Variants in MKLN1 observed in about 807,000 individuals in gnomAD.
MKLN1 encodes the protein muskelin 1.
In MKLN1, 18 loss-of-function variants were observed where a neutral mutation model predicts 99.0. That is an observed-to-expected ratio of 0.18 (90% CI 0.13 to 0.27). The LOEUF is 0.27. MKLN1 is among the 10% of genes least tolerant of loss of function. The probability of loss-of-function intolerance (pLI) is 1.00; values close to 1 mark genes in which losing one functional copy is unlikely to be tolerated. For missense variants in MKLN1, 621 were observed against 875.9 expected (o/e 0.71, Z 3.67); for synonymous variants, 288 against 293.2 (o/e 0.98, Z 0.18).
At chr7:131,447,952 CGTGAG>C (rs974270426) in intron 12 of MKLN1, among the ~76,000 whole-genome samples, 1 of 152,148 alleles carries the variant, frequency 6.6e-6, no homozygotes, top group African/African-American at 2.4e-5. Context: ...GTGGCGGCCA[CGTGAG>C]GTGGCTTACA....
chr7:131,118,778 A>C (rs1351981591), intron 1 of MKLN1, among the ~76,000 whole-genome samples: 4 of 152,174 alleles, frequency 2.6e-5, no homozygotes, highest in Non-Finnish European at 5.9e-5. Context: ...ACACACTTTT[A>C]AACAAGCACA....
At chr7:131,247,782 G>A (rs4728213) in intron 3 of MKLN1, among the ~76,000 whole-genome samples, 87,831 of 152,034 alleles carry the variant, frequency 0.58, 26,067 homozygotes, top group East Asian at 0.91. Context: ...ATTTGAACTG[G>A]CAGGGTTTTG....
intron 2 of MKLN1, among the ~76,000 whole-genome samples, chr7:131,179,188 G>A (rs2116354074): frequency 6.6e-6 from 1 of 152,246 alleles, no homozygotes; most frequent in South Asian, 2.1e-4. Flanking sequence ...AAGGTCATGG[G>A]CACCATGTAA....
chr7:131,447,946 C>T (rs549249136), intron 12 of MKLN1, among the ~76,000 whole-genome samples: 9 of 152,186 alleles, frequency 5.9e-5, no homozygotes, highest in Middle Eastern at 3.4e-3. Flanking sequence ...AAAAAAGTGG[C>T]GGCCACGTGA....
chr7:131,351,120 C>T (rs1298447087), intron 1 of MKLN1, among the ~76,000 whole-genome samples: 1 of 151,958 alleles, frequency 6.6e-6, no homozygotes, highest in East Asian at 1.9e-4. Flanking sequence ...TGGTGGTGTG[C>T]ACCTGTAGTC....
At chr7:131,411,200 T>G (rs1794862871) in intron 6 of MKLN1, 106 bp from the exon 7 acceptor site, 1 of 610,462 alleles carries the variant, frequency 1.6e-6, no homozygotes, top group African/African-American at 1.9e-5. Context: ...ATTAGTGACA[T>G]ATTAGTAATT....
At chr7:131,456,167 G>A (rs981569625) in intron 12 of MKLN1, among the ~76,000 whole-genome samples, 2 of 151,926 alleles carry the variant, frequency 1.3e-5, no homozygotes, top group Non-Finnish European at 2.9e-5. Context: ...AATGAAAGCT[G>A]CTTTCTTGGT....
intron 1 of MKLN1, among the ~76,000 whole-genome samples, chr7:131,356,458 G>C (rs2116784267): frequency 6.6e-6 from 1 of 152,192 alleles, no homozygotes; most frequent in Non-Finnish European, 1.5e-5. Context: ...AAGAGTCCAA[G>C]ACCCCAAATC....
chr7:131,244,314 C>A lies in MKLN1; in HGVS notation c.-179+41340C>A, dbSNP rs145373792. Among the ~76,000 whole-genome samples, 689 of 152,222 alleles carry A rather than the reference C, an allele frequency of 4.5e-3. 6 individuals carry two copies. Among genetic ancestry groups the A allele is most frequent in the Non-Finnish European group, 6.2e-3 (419 of 68,010 alleles). ...TGCAATTTTCTCCCTGTTTTCATGA[C>A]CCGCTCCTCCCTCCAACGCCAGAGC... On this transcript the variant is annotated intron_variant, in intron 3 of 7. Coordinates refer to the MKLN1 transcript ENST00000416992.
intron 3 of MKLN1, among the ~76,000 whole-genome samples, chr7:131,291,886 C>G (rs1456760544): frequency 1.3e-5 from 2 of 152,056 alleles, no homozygotes; most frequent in African/African-American, 4.8e-5. Flanking sequence ...GGGAGGATAT[C>G]TTGAGACCAG....
At chr7:131,444,763 A>AGTAGT (rs1795953961) in intron 11 of MKLN1, among the ~76,000 whole-genome samples, 16 of 117,964 alleles carry the variant, frequency 1.4e-4, no homozygotes, top group South Asian at 3.0e-4. Flanking sequence ...GTAGTAGAAG[A>AGTAGT]AGTAGTAGTA....
At chr7:131,252,428 A>C (rs1797597407) in intron 3 of MKLN1, among the ~76,000 whole-genome samples, 2 of 144,888 alleles carry the variant, frequency 1.4e-5, no homozygotes, top group Non-Finnish European at 3.0e-5. Flanking sequence ...TCCTGGGTTC[A>C]TGTGATTCTT....
chr7:131,306,600 T>C lies in MKLN1; in HGVS notation c.-178-68824T>C, dbSNP rs542474975. ...CTAGAGAGCTGTGAAGCTATAAACC[T>C]GAGAAAGATTATTTAAGGTATCTAG... On this transcript the variant is annotated intron_variant, in intron 3 of 7. Transcript: ENST00000416992. Among the ~76,000 whole-genome samples, 3 of 152,286 alleles carry C rather than the reference T, an allele frequency of 2.0e-5. No individual in the cohort carries two copies. The South Asian group carries it at 6.2e-4, about 32-fold the overall frequency.
rs183522974 is a variant in MKLN1 at position 131,201,753 on chromosome 7, G to A, written c.-296-1104G>A. On this transcript the variant is annotated intron_variant, in intron 2 of 7. Coordinates refer to the MKLN1 transcript ENST00000416992. ...GTATGACTACTAGGAGTGCCTTAATGATATGACTCTTCTTTTAGCTTCTGA... is the reference window on the plus strand; with the variant it reads ...GTATGACTACTAGGAGTGCCTTAATAATATGACTCTTCTTTTAGCTTCTGA... 1.3e-3 allele frequency among the ~76,000 whole-genome samples: 196 copies of A among 152,254 alleles called. 2 individuals carry two copies. The highest frequency in any genetic ancestry group is 4.6e-3 in the African/African-American group (189 of 41,518).
intron 16 of MKLN1, 31 bp downstream of exon 16, chr7:131,470,975 TTAAG>T (rs1796804199): frequency 2.8e-6 from 4 of 1,438,804 alleles, no homozygotes; most frequent in African/African-American, 1.4e-5. Flanking sequence ...ATTTCAGAAA[TTAAG>T]TATTTTTAAA....
intron 1 of MKLN1, among the ~76,000 whole-genome samples, chr7:131,130,265 G>A (rs186950113): frequency 6.6e-6 from 1 of 152,248 alleles, no homozygotes; most frequent in East Asian, 1.9e-4. Context: ...ATATGCCTAG[G>A]GTTGGGCAAC....
chr7:131,387,403 T>A, intron 3 of MKLN1, 141 bp downstream of exon 3: 1 of 581,066 alleles, frequency 1.7e-6, no homozygotes, highest in Non-Finnish European at 2.7e-6. Context: ...TGCCTTAGTT[T>A]AATACTGTGG....
chr7:131,192,181 A>T (rs191160298), intron 2 of MKLN1, among the ~76,000 whole-genome samples: 3,147 of 95,214 alleles, frequency 0.033, 281 homozygotes, highest in African/African-American at 0.047. Context: ...AATATATAAA[A>T]ATATATAAAA....
At chr7:131,433,732 G>A (rs769761903) in intron 9 of MKLN1, among the ~76,000 whole-genome samples, 9 of 151,924 alleles carry the variant, frequency 5.9e-5, no homozygotes, top group Non-Finnish European at 7.4e-5. Context: ...ACACTCCCTC[G>A]ATTACTGTAG....
Sources: allele counts gnomAD v4.1 joint callset (sites outside exome capture counted in the v4.1 genomes callset), GRCh38; gene constraint gnomAD v4.1.1; transcripts MANE v1.5; gene names NCBI Gene and HGNC (gene_info 2026-07-23, HGNC 2026-07-21).